The following KCNT2 variants were observed in gnomAD, a reference collection of about 807,000 sequenced individuals.
KCNT2 encodes potassium sodium-activated channel subfamily T member 2, also known as potassium channel subfamily T member 2.
KCNT2 carries 67 observed loss-of-function variants against 153.8 expected under a neutral mutation model. That is an observed-to-expected ratio of 0.44 (90% CI 0.36 to 0.53). KCNT2 has a LOEUF of 0.53. Among genes scored for constraint, KCNT2 ranks in the 20% least tolerant of loss-of-function variants. KCNT2 has a pLI of 0.00. For missense variants in KCNT2, 975 were observed against 1,354.8 expected, an observed-to-expected ratio of 0.72 and a Z score of 4.40; for synonymous variants, 500 against 458.8, an observed-to-expected ratio of 1.09 and a Z score of -1.15.
intron 1 of KCNT2, among the ~76,000 whole-genome samples, chr1:196,607,470 CAAT>C (rs1665444471): frequency 6.6e-6 from 1 of 152,122 alleles, no homozygotes; most frequent in South Asian, 2.1e-4. Flanking sequence ...ATTTTGCTAA[CAAT>C]AAATATTCTA....
intron 4 of KCNT2, among the ~76,000 whole-genome samples, chr1:196,479,960 T>C (rs1390993761): frequency 6.6e-6 from 1 of 152,242 alleles, no homozygotes; most frequent in Non-Finnish European, 1.5e-5. Flanking sequence ...TACTTTCAGA[T>C]TTTATTTGAA....
intron 1 of KCNT2, among the ~76,000 whole-genome samples, chr1:196,496,296 C>T (rs1318181510): frequency 4.0e-5 from 6 of 151,792 alleles, no homozygotes; most frequent in South Asian, 2.1e-4. Flanking sequence ...GGTGAAACCC[C>T]AGCTCTACTA....
chr1:196,341,610 G>C lies in KCNT2; in HGVS notation c.1553+469C>G, dbSNP rs1292091142. Among the ~76,000 whole-genome samples, 5 of 149,198 alleles carry C rather than the reference G, an allele frequency of 3.4e-5. No homozygotes were observed. The East Asian group carries it at 9.8e-4, about 29-fold the overall frequency. On this transcript the variant is annotated intron_variant, in intron 15 of 27. Transcript: ENST00000294725. ...GTAAATCCTTTTTTTTTCCAAAAAG[G>C]AAAAGAAAAAAAAAGTTCTATGTTT... is the stretch of plus-strand genomic sequence containing the variant.
intron 12 of KCNT2, among the ~76,000 whole-genome samples, chr1:196,413,216 T>C (rs1672480504): frequency 6.6e-6 from 1 of 151,516 alleles, no homozygotes; most frequent in South Asian, 2.1e-4. Context: ...GACAAGTTTG[T>C]TGTAAAGGCA....
chr1:196,501,125 C>T (rs1440333342), intron 1 of KCNT2, among the ~76,000 whole-genome samples: 3 of 152,186 alleles, frequency 2.0e-5, no homozygotes, highest in Non-Finnish European at 2.9e-5. Context: ...AGTACAATCT[C>T]TATGGTAAAC....
At chr1:196,265,890 T>C (rs768607915) in intron 25 of KCNT2, among the ~76,000 whole-genome samples, 34 of 152,116 alleles carry the variant, frequency 2.2e-4, no homozygotes, top group Admixed American at 6.6e-4. Context: ...AAGCAACCAT[T>C]GCCATCAGGG....
intron 1 of KCNT2, among the ~76,000 whole-genome samples, chr1:196,603,124 T>G: frequency 6.6e-6 from 1 of 152,212 alleles, no homozygotes; most frequent in East Asian, 1.9e-4. Flanking sequence ...TTTAAGTTTC[T>G]AATTTTCTAT....
intron 1 of KCNT2, among the ~76,000 whole-genome samples, chr1:196,579,181 C>A (rs1219039047): frequency 6.6e-6 from 1 of 152,032 alleles, no homozygotes; most frequent in African/African-American, 2.4e-5. Flanking sequence ...TTTCCTTTTT[C>A]CCCCATTTTG....
intron 1 of KCNT2, among the ~76,000 whole-genome samples, chr1:196,553,601 G>A (rs938591690): frequency 1.3e-5 from 2 of 150,998 alleles, no homozygotes; most frequent in African/African-American, 4.8e-5. Context: ...AATCAATAAA[G>A]AAACATGAGA....
At chr1:196,326,321 A>G (rs1405482917) in intron 19 of KCNT2, among the ~76,000 whole-genome samples, 1 of 152,088 alleles carries the variant, frequency 6.6e-6, no homozygotes, top group Non-Finnish European at 1.5e-5. Flanking sequence ...ATGGATCAGT[A>G]AATGCTTCTC....
At chr1:196,252,651 T>C (rs1035939515) in intron 26 of KCNT2, among the ~76,000 whole-genome samples, 6 of 151,622 alleles carry the variant, frequency 4.0e-5, no homozygotes, top group African/African-American at 1.4e-4. Context: ...AATAAAAACA[T>C]AGCTTGCATG....
intron 1 of KCNT2, among the ~76,000 whole-genome samples, chr1:196,587,349 A>G (rs1391031695): frequency 6.6e-6 from 1 of 152,042 alleles, no homozygotes. Flanking sequence ...TAATTGCCCA[A>G]GACCATACAG....
chr1:196,429,008 CT>C (rs143860054), intron 9 of KCNT2, among the ~76,000 whole-genome samples: 42,730 of 138,614 alleles, frequency 0.31, 5,298 homozygotes, highest in Admixed American at 0.34. Context: ...CATGTTCAGA[CT>C]TTTTTTTTTT....
intron 1 of KCNT2, among the ~76,000 whole-genome samples, chr1:196,570,067 TAAAAAAAAAAAAAAAAA>T (rs199836975): frequency 0.84 from 112,206 of 134,316 alleles, 47,274 homozygotes; most frequent in East Asian, 0.98. Flanking sequence ...TGAGCTAGAG[TAAAAAAAAAAAAAAAAA>T]AAAAAAAAAA....
In KCNT2 at chr1:196,554,462, T is replaced by C. The variant is rs1249210585; in HGVS notation, c.95+53753A>G. Among the ~76,000 whole-genome samples the C allele has an allele frequency of 8.6e-5, 13 of 150,812 alleles. No individual in the cohort carries two copies. The Admixed American group carries it at 8.6e-4, about 10-fold the overall frequency. On this transcript the variant is annotated intron_variant, in intron 1 of 27. Coordinates refer to ENST00000294725, the MANE Select transcript of KCNT2 (RefSeq NM_198503.5). ...GTACCAAGATTGAACTGAGAAGAAA[T>C]CCAAAACCTGAACAAACCAATAACA...
chr1:196,303,965 G>A (rs953454631), intron 22 of KCNT2, among the ~76,000 whole-genome samples: 8 of 152,176 alleles, frequency 5.3e-5, no homozygotes, highest in East Asian at 1.9e-4. Context: ...CTAAAGCAAC[G>A]TGGCATAGTG....
chr1:196,598,483 A>G (rs76685869), intron 1 of KCNT2, among the ~76,000 whole-genome samples: 2,219 of 152,330 alleles, frequency 0.015, 58 homozygotes, highest in African/African-American at 0.05. Flanking sequence ...TTTTTCTTTC[A>G]GAAAGTATGA....
chr1:196,566,930 A>G (rs1340345468), intron 1 of KCNT2, among the ~76,000 whole-genome samples: 1 of 152,146 alleles, frequency 6.6e-6, no homozygotes, highest in Non-Finnish European at 1.5e-5. Flanking sequence ...TATATACTTC[A>G]AATGTTTCAT....
chr1:196,518,478 T>TAAAAAAAAAAAAAA, intron 1 of KCNT2, among the ~76,000 whole-genome samples: 1 of 126,362 alleles, frequency 7.9e-6, no homozygotes, highest in Non-Finnish European at 1.7e-5. Flanking sequence ...AAGCTGGATT[T>TAAAAAAAAAAAAAA]AAAAAAAAAA....
Sources: gnomAD v4.1 joint callset for allele counts (sites outside exome capture counted in the v4.1 genomes callset) on GRCh38, gnomAD v4.1.1 for gene constraint, MANE v1.5 for transcripts, NCBI Gene and HGNC (gene_info 2026-07-23, HGNC 2026-07-21) for gene names.